PCNX1: variants seen among roughly 807,000 people sequenced by gnomAD.
PCNX1 encodes the protein pecanex 1.
A neutral mutation model predicts 242.2 loss-of-function variants in PCNX1; 78 were observed. That is an observed-to-expected ratio of 0.32 (90% CI 0.27 to 0.39). PCNX1 has a LOEUF of 0.39. Ranked by LOEUF, PCNX1 falls within the 10% of genes least tolerant of loss-of-function variation. The pLI is 1.00. For missense variants in PCNX1, 2,581 were observed against 2,856.5 expected, an observed-to-expected ratio of 0.90 and a Z score of 2.20; for synonymous variants, 1,024 against 1,032.9, an observed-to-expected ratio of 0.99 and a Z score of 0.17.
chr14:71,025,223 A>G (rs1231179830), intron 13 of PCNX1, among the ~76,000 whole-genome samples: 1 of 152,216 alleles, frequency 6.6e-6, no homozygotes, highest in East Asian at 1.9e-4. Flanking sequence ...TCAATGGACT[A>G]TAATGTTACT....
chr14:71,026,074 C>T, intron 13 of PCNX1, 43 bp from the exon 14 acceptor site: 10 of 1,360,442 alleles, frequency 7.4e-6, no homozygotes, highest in Non-Finnish European at 1.0e-5. Context: ...ATTTGTGACT[C>T]TTAAAATTAA....
intron 1 of PCNX1, among the ~76,000 whole-genome samples, chr14:70,909,661 C>T (rs1426599776): frequency 6.6e-6 from 1 of 152,170 alleles, no homozygotes; most frequent in Non-Finnish European, 1.5e-5. Context: ...GCAAATGTTA[C>T]TGAAAGAATA....
rs753497201 is a variant in PCNX1 at position 70,981,160 on chromosome 14, A to T, written c.2311+2512A>T. Among the ~76,000 whole-genome samples, 7 of 152,262 alleles carry T rather than the reference A, an allele frequency of 4.6e-5. No individual in the cohort carries two copies. In the Middle Eastern group the frequency reaches 0.017, roughly 370 times the overall value. ...ATGAGATGATTATAGTATCTATCTC[A>T]TAGGGTTGTTGTGAGGACTAAGGAG... On this transcript the variant is annotated intron_variant, in intron 6 of 35. Coordinates refer to ENST00000304743, the MANE Select transcript of PCNX1 (RefSeq NM_014982.3).
chr14:71,032,484 C>A (rs12881446), intron 16 of PCNX1, among the ~76,000 whole-genome samples: 10,657 of 149,834 alleles, frequency 0.071, 493 homozygotes, highest in East Asian at 0.28. Flanking sequence ...TTGGGAAATA[C>A]AAAGATCTAA....
intron 26 of PCNX1, among the ~76,000 whole-genome samples, chr14:71,058,762 T>G (rs929662392): frequency 6.6e-6 from 1 of 152,246 alleles, no homozygotes; most frequent in Non-Finnish European, 1.5e-5. Context: ...TATGCAGCAC[T>G]CAAATTAATG....
intron 2 of PCNX1, among the ~76,000 whole-genome samples, chr14:70,956,117 C>A (rs981550064): frequency 6.6e-6 from 1 of 152,070 alleles, no homozygotes; most frequent in South Asian, 2.1e-4. Context: ...ACAATGCAGT[C>A]AAAAATTATT....
intron 30 of PCNX1, chr14:71,092,636 G>A (rs1243373704): frequency 2.0e-5 from 3 of 152,210 alleles, no homozygotes; most frequent in Admixed American, 2.0e-4. Flanking sequence ...GGTTGGGGGT[G>A]GGGAAGCCAC....
chr14:71,040,511 A>G (rs560258075), intron 19 of PCNX1, among the ~76,000 whole-genome samples: 6 of 152,126 alleles, frequency 3.9e-5, no homozygotes, highest in African/African-American at 1.2e-4. Context: ...AATTTTGGCC[A>G]TTATTCCTCT....
At chr14:71,022,899 C>G (rs1431385351) in intron 12 of PCNX1, among the ~76,000 whole-genome samples, 4 of 151,914 alleles carry the variant, frequency 2.6e-5, no homozygotes, top group African/African-American at 9.7e-5. Flanking sequence ...TAGCAATAAG[C>G]CAAACAGTAA....
At chr14:71,008,587 C>T (rs998796711) in intron 8 of PCNX1, among the ~76,000 whole-genome samples, 25 of 131,992 alleles carry the variant, frequency 1.9e-4, no homozygotes, top group African/African-American at 6.7e-4. Flanking sequence ...ACCCGGGAGG[C>T]AGAGCTTGCA....
At chr14:70,908,707 G>T (rs1049735964) in intron 1 of PCNX1, among the ~76,000 whole-genome samples, 3 of 122,802 alleles carry the variant, frequency 2.4e-5, no homozygotes, top group Non-Finnish European at 3.4e-5. Context: ...GGCCTCCCTG[G>T]GGGGAGGGAG....
chr14:71,040,078 C>G (rs2060661493), intron 19 of PCNX1, among the ~76,000 whole-genome samples: 2 of 152,134 alleles, frequency 1.3e-5, no homozygotes, highest in Admixed American at 1.3e-4. Context: ...TCCCAAAGTG[C>G]TAGGATTACA....
intron 1 of PCNX1, among the ~76,000 whole-genome samples, chr14:70,921,732 A>G (rs1048184488): frequency 4.6e-5 from 7 of 152,142 alleles, no homozygotes; most frequent in African/African-American, 1.7e-4. Flanking sequence ...CTTCATCTAG[A>G]TTCCACTATT....
At chr14:70,918,295 A>C (rs2056230755) in intron 1 of PCNX1, among the ~76,000 whole-genome samples, 1 of 152,148 alleles carries the variant, frequency 6.6e-6, no homozygotes, top group South Asian at 2.1e-4. Context: ...TGCCTTTCTC[A>C]CTAAATTTAA....
intron 1 of PCNX1, among the ~76,000 whole-genome samples, chr14:70,923,923 T>TC (rs1434790830): frequency 6.6e-6 from 1 of 152,128 alleles, no homozygotes; most frequent in East Asian, 1.9e-4. Flanking sequence ...GGCTAATACT[T>TC]CTGCAGTTTT....
At chr14:70,931,762 C>T (rs900604754) in intron 1 of PCNX1, among the ~76,000 whole-genome samples, 4 of 152,168 alleles carry the variant, frequency 2.6e-5, no homozygotes, top group Non-Finnish European at 4.4e-5. Flanking sequence ...CTAGAAGCAC[C>T]GTTTTCTTAA....
intron 7 of PCNX1, 67 bp from the exon 8 acceptor site, chr14:70,995,674 C>T (rs1172998162): frequency 2.9e-6 from 4 of 1,385,528 alleles, no homozygotes; most frequent in Non-Finnish European, 4.0e-6. Flanking sequence ...TCTATGTTGA[C>T]TTCATTCTAG....
At chr14:70,918,321 T>C (rs1006560920) in intron 1 of PCNX1, among the ~76,000 whole-genome samples, 1 of 152,242 alleles carries the variant, frequency 6.6e-6, no homozygotes, top group Non-Finnish European at 1.5e-5. Context: ...TCCAGCTTTT[T>C]GTTTAAAGTG....
At chr14:71,104,841 C>T (rs1189209265) in intron 32 of PCNX1, among the ~76,000 whole-genome samples, 1 of 152,066 alleles carries the variant, frequency 6.6e-6, no homozygotes, top group Non-Finnish European at 1.5e-5. Context: ...GCAGGAAAAT[C>T]GTTTGAACTT....
Sources: gnomAD v4.1 joint callset for allele counts (sites outside exome capture counted in the v4.1 genomes callset) on GRCh38, gnomAD v4.1.1 for gene constraint, MANE v1.5 for transcripts, NCBI Gene and HGNC (gene_info 2026-07-23, HGNC 2026-07-21) for gene names.